The following CNTN4 variants were observed in gnomAD, a reference collection of about 807,000 sequenced individuals.
CNTN4 encodes the protein contactin-4.
In CNTN4, 77 loss-of-function variants were observed where a neutral mutation model predicts 122.5. The observed-to-expected ratio is 0.63, with a 90% CI of 0.52 to 0.76. CNTN4 has a LOEUF of 0.76. Ranked by LOEUF, CNTN4 falls within the 30% of genes least tolerant of loss-of-function variation. The pLI is 0.00. For missense variants in CNTN4, 1,256 were observed against 1,259.1 expected, an observed-to-expected ratio of 1.00 and a Z score of 0.04; for synonymous variants, 512 against 447.0, an observed-to-expected ratio of 1.15 and a Z score of -1.83.
chr3:3,045,854 C>T (rs1700591340), intron 23 of CNTN4, among the ~76,000 whole-genome samples: 1 of 152,210 alleles, frequency 6.6e-6, no homozygotes, highest in South Asian at 2.1e-4. Context: ...AGTTCGAACC[C>T]ATCCCAAAGA....
chr3:2,255,563 A>G (rs1438973835), intron 2 of CNTN4, among the ~76,000 whole-genome samples: 5 of 152,180 alleles, frequency 3.3e-5, no homozygotes, highest in African/African-American at 9.6e-5. Flanking sequence ...AGCAAATGCA[A>G]AAGAACAGAA....
chr3:2,191,700 A>G (rs200764590), intron 2 of CNTN4, among the ~76,000 whole-genome samples: 1 of 30,308 alleles, frequency 3.3e-5, no homozygotes, highest in Non-Finnish European at 8.1e-5. Context: ...CTATGTATAT[A>G]TATATATATA....
At chr3:2,186,739 G>C (rs1395014137) in intron 2 of CNTN4, among the ~76,000 whole-genome samples, 17 of 152,184 alleles carry the variant, frequency 1.1e-4, no homozygotes, top group Admixed American at 1.1e-3. Flanking sequence ...CTTCTGAGAA[G>C]TGTCTGTTCA....
intron 12 of CNTN4, among the ~76,000 whole-genome samples, chr3:2,922,550 G>A (rs1041152492): frequency 2.0e-5 from 3 of 151,718 alleles, no homozygotes; most frequent in African/African-American, 4.8e-5. Flanking sequence ...AAATTTGCAG[G>A]GTTAGATAAC....
chr3:2,374,356 A>G (rs1015361174), intron 3 of CNTN4, among the ~76,000 whole-genome samples: 2 of 152,230 alleles, frequency 1.3e-5, no homozygotes, highest in East Asian at 3.8e-4. Context: ...TTCTTCATGC[A>G]GTTTAACTCT....
chr3:2,395,687 A>G (rs2150924270), intron 3 of CNTN4, among the ~76,000 whole-genome samples: 1 of 152,178 alleles, frequency 6.6e-6, no homozygotes, highest in South Asian at 2.1e-4. Context: ...GTTATAAGTG[A>G]GTACATGTGG....
At chr3:2,749,959 G>GAA (rs200598269) in intron 6 of CNTN4, among the ~76,000 whole-genome samples, 1 of 150,736 alleles carries the variant, frequency 6.6e-6, no homozygotes, top group East Asian at 1.9e-4. Flanking sequence ...CTCATTGAAG[G>GAA]AAAAAAAAAT....
At chr3:2,465,461 G>A (rs1272869373) in intron 3 of CNTN4, among the ~76,000 whole-genome samples, 16 of 152,140 alleles carry the variant, frequency 1.1e-4, no homozygotes, top group Non-Finnish European at 4.4e-5. Context: ...CGGATTGCCT[G>A]AGCTCAGGAG....
At chr3:2,797,920 A>T (rs202058264) in intron 6 of CNTN4, among the ~76,000 whole-genome samples, 26 of 137,824 alleles carry the variant, frequency 1.9e-4, no homozygotes, top group East Asian at 2.1e-4. Flanking sequence ...CACACTGAGT[A>T]TTTTTTTTTT....
chr3:2,695,611 G>A (rs942044370), intron 4 of CNTN4, among the ~76,000 whole-genome samples: 12 of 152,204 alleles, frequency 7.9e-5, no homozygotes, highest in African/African-American at 2.9e-4. Flanking sequence ...ATTGGGGGTT[G>A]TGGGGAAGGG....
chr3:3,048,246 A>G (rs548197341), intron 23 of CNTN4, among the ~76,000 whole-genome samples: 202 of 152,318 alleles, frequency 1.3e-3, no homozygotes, highest in African/African-American at 4.3e-3. Flanking sequence ...AAAACACACA[A>G]AAAAATACAA....
intron 2 of CNTN4, among the ~76,000 whole-genome samples, chr3:2,179,008 A>G (rs1302944819): frequency 4.6e-5 from 7 of 152,066 alleles, no homozygotes; most frequent in Non-Finnish European, 8.8e-5. Context: ...TTTCTGTTTA[A>G]TGAATGTCCC....
intron 13 of CNTN4, among the ~76,000 whole-genome samples, chr3:2,947,326 G>T (rs1419859712): frequency 6.6e-6 from 1 of 152,184 alleles, no homozygotes; most frequent in Non-Finnish European, 1.5e-5. Flanking sequence ...GGCAAAGCAT[G>T]TCATGAAAAC....
chr3:2,395,670 G>T (rs1018871697), intron 3 of CNTN4, among the ~76,000 whole-genome samples: 12 of 152,052 alleles, frequency 7.9e-5, no homozygotes, highest in Non-Finnish European at 1.3e-4. Flanking sequence ...CCAGCGTCTA[G>T]CTCCCAGTTA....
chr3:2,232,624 G>C (rs939355465), intron 2 of CNTN4, among the ~76,000 whole-genome samples: 3 of 152,020 alleles, frequency 2.0e-5, no homozygotes, highest in Non-Finnish European at 2.9e-5. Flanking sequence ...TAACTCCATA[G>C]AGTTTGTACT....
At chr3:2,244,226 G>A (rs1443449789) in intron 2 of CNTN4, among the ~76,000 whole-genome samples, 1 of 149,192 alleles carries the variant, frequency 6.7e-6, no homozygotes, top group African/African-American at 2.5e-5. Flanking sequence ...AAAAATCTAT[G>A]TAAATGTGGT....
chr3:2,705,768 T>TGA (rs2086663568), intron 4 of CNTN4, among the ~76,000 whole-genome samples: 1 of 102,290 alleles, frequency 9.8e-6, no homozygotes, highest in African/African-American at 4.1e-5. Context: ...ATAATATATA[T>TGA]TTATTATATA....
intron 3 of CNTN4, among the ~76,000 whole-genome samples, chr3:2,378,391 T>A (rs1297468046): frequency 6.6e-6 from 1 of 152,126 alleles, no homozygotes; most frequent in East Asian, 1.9e-4. Flanking sequence ...ATACCTTATT[T>A]CCACTCACAC....
chr3:3,004,090 A>G (rs1265170648), intron 14 of CNTN4, among the ~76,000 whole-genome samples: 4 of 151,932 alleles, frequency 2.6e-5, no homozygotes, highest in African/African-American at 9.7e-5. Context: ...GGTGAATTTT[A>G]TGTTATATGT....
Sources: allele counts gnomAD v4.1 joint callset (sites outside exome capture counted in the v4.1 genomes callset), GRCh38; gene constraint gnomAD v4.1.1; transcripts MANE v1.5; gene names NCBI Gene and HGNC (gene_info 2026-07-23, HGNC 2026-07-21).